The following IDO2 variants were observed in gnomAD, a reference collection of about 807,000 sequenced individuals.
IDO2 encodes indoleamine 2,3-dioxygenase 2, also known as indoleamine 2,3-dioxygenase-like 1 protein.
Under a neutral mutation model 45.1 loss-of-function variants are expected in IDO2, and 46 were observed. That is an observed-to-expected ratio of 1.02 (90% CI 0.80 to 1.30). IDO2 has a LOEUF of 1.30. Among genes scored for constraint, IDO2 ranks in the 50% most tolerant of loss-of-function variants. IDO2 has a pLI of 0.00. For synonymous variants in IDO2, 218 were observed against 184.9 expected, an observed-to-expected ratio of 1.18 and a Z score of -1.45; for missense variants, 544 against 491.8, an observed-to-expected ratio of 1.11 and a Z score of -1.00.
At chr8:39,951,195 G>A (rs770034080) in intron 2 of IDO2, among the ~76,000 whole-genome samples, 1 of 150,942 alleles carries the variant, frequency 6.6e-6, no homozygotes, top group Non-Finnish European at 1.5e-5. Context: ...TTTAATCATA[G>A]TTAAATGGCA....
At chr8:39,946,698 C>A (rs1233351092) in intron 1 of IDO2, among the ~76,000 whole-genome samples, 1 of 152,322 alleles carries the variant, frequency 6.6e-6, no homozygotes, top group East Asian at 1.9e-4. Context: ...GTCTCCCGCA[C>A]AGCCTGCTCT....
chr8:39,952,463 TA>T (rs1255880020), intron 2 of IDO2, among the ~76,000 whole-genome samples: 3 of 152,096 alleles, frequency 2.0e-5, no homozygotes, highest in African/African-American at 4.8e-5. Flanking sequence ...AGACAGTGAA[TA>T]AAAAAAATTC....
intron 6 of IDO2, 23 bp from the exon 7 acceptor site, chr8:39,987,848 C>G (rs1383997135): frequency 2.8e-6 from 4 of 1,427,358 alleles, no homozygotes; most frequent in Non-Finnish European, 3.9e-6. Context: ...CACCTCTAAT[C>G]ATGTGCTCCT....
chr8:39,958,284 C>T (rs1012727242), intron 2 of IDO2, among the ~76,000 whole-genome samples: 3 of 97,536 alleles, frequency 3.1e-5, no homozygotes, highest in African/African-American at 1.3e-4. Flanking sequence ...TCACTGCAAC[C>T]TCTGCCTCCC....
At chr8:39,943,466 G>C (rs7814801) in intron 1 of IDO2, among the ~76,000 whole-genome samples, 2 of 151,046 alleles carry the variant, frequency 1.3e-5, no homozygotes, top group South Asian at 2.1e-4. Context: ...GGCCGGGCGC[G>C]GTGGCTCAAG....
chr8:39,979,020 CCCGGTTCCCAT>C, intron 3 of IDO2, 36 bp from the exon 4 acceptor site: 1 of 1,550,088 alleles, frequency 6.5e-7, no homozygotes, highest in Non-Finnish European at 8.7e-7. Flanking sequence ...CCTCCCCTGT[CCCGGTTCCCAT>C]CCCTCCTCTG....
intron 8 of IDO2, among the ~76,000 whole-genome samples, chr8:39,990,129 G>A (rs61123871): frequency 0.17 from 25,358 of 152,134 alleles, 3,093 homozygotes; most frequent in East Asian, 0.69. Flanking sequence ...AAGCTTGAGA[G>A]GAGGGGATGG....
chr8:39,978,165 C>CA (rs1287164960), intron 3 of IDO2, among the ~76,000 whole-genome samples: 3 of 152,232 alleles, frequency 2.0e-5, no homozygotes, highest in Admixed American at 6.5e-5. Flanking sequence ...ACCCCAACCT[C>CA]AACCCGGGCC....
chr8:40,000,383 G>A (rs1175040118), intron 8 of IDO2, among the ~76,000 whole-genome samples: 2 of 151,140 alleles, frequency 1.3e-5, no homozygotes, highest in Admixed American at 6.6e-5. Context: ...GCACTCCAGT[G>A]TGGCAACAGA....
At chr8:39,935,986 A>G (rs1807541475) in intron 1 of IDO2, among the ~76,000 whole-genome samples, 1 of 152,216 alleles carries the variant, frequency 6.6e-6, no homozygotes. Context: ...AGGTATCCAC[A>G]AAACTTCTGA....
chr8:39,947,899 T>C (rs1807762258), intron 1 of IDO2, among the ~76,000 whole-genome samples: 1 of 152,032 alleles, frequency 6.6e-6, no homozygotes, highest in Non-Finnish European at 1.5e-5. Flanking sequence ...GCAATTCTCC[T>C]GCCTCAGCCT....
At chr8:40,003,399 A>T (rs1224554975) in intron 8 of IDO2, among the ~76,000 whole-genome samples, 1 of 147,370 alleles carries the variant, frequency 6.8e-6, no homozygotes, top group Non-Finnish European at 1.5e-5. Flanking sequence ...AAAGAAAACG[A>T]GAATATATCC....
At chr8:39,962,127 A>T (rs1400844820) in intron 2 of IDO2, among the ~76,000 whole-genome samples, 1 of 152,174 alleles carries the variant, frequency 6.6e-6, no homozygotes, top group Non-Finnish European at 1.5e-5. Context: ...CTTGGGTGAG[A>T]GTTGGGGGTC....
At chr8:39,989,541 G>A (rs891748404) in intron 7 of IDO2, among the ~76,000 whole-genome samples, 180 bp from the exon 8 acceptor site, 1 of 152,140 alleles carries the variant, frequency 6.6e-6, no homozygotes, top group African/African-American at 2.4e-5. Context: ...CTGTCTGGGA[G>A]GTCCCCAGGG....
chr8:39,981,706 A>C (rs940666871), intron 4 of IDO2, among the ~76,000 whole-genome samples: 4 of 152,094 alleles, frequency 2.6e-5, no homozygotes, highest in African/African-American at 9.7e-5. Flanking sequence ...AGTGTTTTCC[A>C]CCCGAGAAAA....
intron 8 of IDO2, among the ~76,000 whole-genome samples, chr8:39,999,135 A>G (rs1177897559): frequency 6.6e-6 from 1 of 152,020 alleles, no homozygotes; most frequent in African/African-American, 2.4e-5. Context: ...ATCGGTACAA[A>G]AGCTTCTGGT....
At chr8:39,937,830 G>T (rs1016477565) in intron 1 of IDO2, among the ~76,000 whole-genome samples, 7 of 152,022 alleles carry the variant, frequency 4.6e-5, no homozygotes, top group Non-Finnish European at 7.4e-5. Context: ...CAAAACATGT[G>T]TATTTTAATG....
At chr8:39,961,057 A>G (rs1243942795) in intron 2 of IDO2, among the ~76,000 whole-genome samples, 1 of 152,208 alleles carries the variant, frequency 6.6e-6, no homozygotes, top group East Asian at 1.9e-4. Context: ...AGTTGGGATT[A>G]TAGGCGTGAG....
Position 39,991,479 on chromosome 8 carries a change from C to T in IDO2, c.667+1641C>T, listed in dbSNP as rs115947343. Among the ~76,000 whole-genome samples the T allele has an allele frequency of 1.4e-3, 206 of 151,892 alleles. 1 individual carries two copies. Among genetic ancestry groups the T allele is most frequent in the African/African-American group, 4.8e-3 (198 of 41,432 alleles). The stretch of plus-strand genomic sequence containing the variant: ...TGGAAGATTATGAGAAACCTTCCAA[C>T]AGGTCCCAGTGTACATAGCAGTAAG... On this transcript the variant is annotated intron_variant, in intron 8 of 10. Coordinates refer to ENST00000502986, the Ensembl canonical transcript of IDO2.
Sources: allele counts gnomAD v4.1 joint callset (sites outside exome capture counted in the v4.1 genomes callset), GRCh38; gene constraint gnomAD v4.1.1; transcripts MANE v1.5; gene names NCBI Gene and HGNC (gene_info 2026-07-23, HGNC 2026-07-21).